The following PCDHA13 variants were observed in gnomAD, a reference collection of about 807,000 sequenced individuals.
The protein encoded by PCDHA13 is protocadherin alpha-13.
Under a neutral mutation model 64.8 loss-of-function variants are expected in PCDHA13, and 54 were observed. The observed-to-expected ratio is 0.83, with a 90% CI of 0.67 to 1.04. PCDHA13 has a LOEUF of 1.04. Among genes scored for constraint, PCDHA13 ranks in the 50% least tolerant of loss-of-function variants. The pLI is 0.00. For missense variants in PCDHA13, 1,248 were observed against 1,254.3 expected (o/e 0.99, Z 0.08); for synonymous variants, 587 against 564.4 (o/e 1.04, Z -0.57).
intron 1 of PCDHA13, chr5:140,930,231 A>C (rs1234850185): frequency 6.6e-6 from 1 of 152,238 alleles, no homozygotes; most frequent in South Asian, 2.1e-4. Context: ...TGCACTTACC[A>C]TCCAAAGTCC....
chr5:140,913,284 G>A (rs1201275371), intron 1 of PCDHA13, among the ~76,000 whole-genome samples: 1 of 152,026 alleles, frequency 6.6e-6, no homozygotes, highest in Non-Finnish European at 1.5e-5. Context: ...GTCTGTTTAG[G>A]TTTTAATTTC....
intron 1 of PCDHA13, among the ~76,000 whole-genome samples, chr5:140,897,497 G>C (rs1554187423): frequency 6.6e-6 from 1 of 152,010 alleles, no homozygotes; most frequent in Admixed American, 6.6e-5. Flanking sequence ...TTTCAACCAT[G>C]TCCCTACAAA....
intron 3 of PCDHA13, among the ~76,000 whole-genome samples, chr5:140,988,057 C>G (rs557714672): frequency 2.0e-4 from 30 of 152,188 alleles, no homozygotes; most frequent in Non-Finnish European, 3.7e-4. Context: ...GCACTGTCAA[C>G]ATGAATTTTT....
rs2096146085 is a variant in PCDHA13 at position 140,967,476 on chromosome 5, G to T, written c.2395-11473G>T. ...GCCGTGGATGGGGGCATCCCAGCCC[G>T]CTCGGGTACGGCACAGATCTCTGTG... On this transcript the variant is annotated intron_variant, in intron 1 of 3. Transcript: ENST00000289272. The T allele has an allele frequency of 6.2e-7, 1 of 1,613,324 alleles. No individual in the cohort carries two copies. The highest frequency in any genetic ancestry group is 1.3e-5 in the African/African-American group (1 of 75,056).
chr5:140,928,959 T>C (rs782250969), intron 1 of PCDHA13: 1 of 1,613,980 alleles, frequency 6.2e-7, no homozygotes, highest in South Asian at 1.1e-5. Context: ...TTGCCTTGGC[T>C]TGTATTTCCT....
At chr5:140,917,530 T>C (rs2078244431) in intron 1 of PCDHA13, among the ~76,000 whole-genome samples, 1 of 152,262 alleles carries the variant, frequency 6.6e-6, no homozygotes, top group Admixed American at 6.5e-5. Flanking sequence ...ACGGTTTGTA[T>C]AGTTTTAGGT....
intron 1 of PCDHA13, chr5:140,966,383 C>T: frequency 2.5e-6 from 1 of 405,022 alleles, no homozygotes; most frequent in East Asian, 3.6e-5. Context: ...TCCGGGTTCG[C>T]TGTCCGCCAC....
rs530119651 is a variant in PCDHA13, at chr5:140,965,991, T to A, written c.2395-12958T>A. ...CCTAGGAGTTGAGCACTTTCTGCAG[T>A]ACTTAAGAGTGTCCAGGGAAGATGT... On this transcript the variant is annotated intron_variant, in intron 1 of 3. Transcript: ENST00000289272. Among the ~76,000 whole-genome samples, 253 of 152,310 alleles carry A rather than the reference T, an allele frequency of 1.7e-3. 2 individuals carry two copies. Among genetic ancestry groups the A allele is most frequent in the Non-Finnish European group, 2.4e-3 (164 of 68,034 alleles).
intron 1 of PCDHA13, among the ~76,000 whole-genome samples, chr5:140,957,852 A>ATT (rs5871756): frequency 1.3e-5 from 2 of 151,656 alleles, no homozygotes; most frequent in East Asian, 1.9e-4. Flanking sequence ...GAGTTTGTGT[A>ATT]TTTTTTTTCC....
chr5:140,887,853 C>G (rs145942561), intron 1 of PCDHA13, among the ~76,000 whole-genome samples: 1 of 152,170 alleles, frequency 6.6e-6, no homozygotes, highest in African/African-American at 2.4e-5. Flanking sequence ...GACATATTTT[C>G]CAAGTTCACT....
rs2096720992 is a variant in PCDHA13 at position 140,976,533 on chromosome 5, A to G, written c.2395-2416A>G. 2.0e-5 allele frequency among the ~76,000 whole-genome samples: 3 copies of G among 152,170 alleles called. No homozygotes were observed. In the South Asian group the frequency reaches 6.2e-4, roughly 32 times the overall value. Reference sequence around the variant, plus strand: ...GCCACTGCACACCAGCCTAAATGACAGAGTAAGACCCTATCTCATAAATAA... The same window carrying G: ...GCCACTGCACACCAGCCTAAATGACGGAGTAAGACCCTATCTCATAAATAA... On this transcript the variant is annotated intron_variant, in intron 1 of 3. Coordinates refer to ENST00000289272, the MANE Select transcript of PCDHA13 (RefSeq NM_018904.3).
intron 3 of PCDHA13, chr5:140,988,926 A>C (rs562175503): frequency 6.6e-6 from 1 of 152,238 alleles, no homozygotes; most frequent in Non-Finnish European, 1.5e-5. Flanking sequence ...ATAGAACAAC[A>C]CTGTTCTCTT....
intron 1 of PCDHA13, among the ~76,000 whole-genome samples, chr5:140,900,796 A>G (rs1269266602): frequency 1.3e-5 from 2 of 152,188 alleles, no homozygotes; most frequent in Admixed American, 6.5e-5. Flanking sequence ...ACTGTTCTCC[A>G]TAGTGCTTGT....
In PCDHA13 at chr5:140,882,854, C is replaced by G; in HGVS notation, c.586C>G (p.Leu196Val). 1.2e-6 allele frequency: 2 copies of G among 1,614,196 alleles called. No homozygotes were observed. Among genetic ancestry groups the G allele is most frequent in the Non-Finnish European group, 1.7e-6 (2 of 1,180,036 alleles). The stretch of plus-strand genomic sequence containing the variant: ...GCAAATGTCTTCATTATCACTTGTA[C>G]TGAGGAAAACACTGGACAGAGAGGA... ...LEQMSSLSLV[L>V]RKTLDREEIQ... Residue 196 changes from leucine to valine, a missense_variant, in exon 1 of 4, where the codon CTG becomes GTG. Leu to Val is a conservative substitution (Grantham distance 32). Transcript: ENST00000289272.
intron 3 of PCDHA13, among the ~76,000 whole-genome samples, chr5:140,999,527 C>G (rs578180518): frequency 6.6e-6 from 1 of 152,088 alleles, no homozygotes; most frequent in Non-Finnish European, 1.5e-5. Context: ...TTGTTACCCC[C>G]TGGATATGAC....
chr5:140,967,925 C>T, intron 1 of PCDHA13: 1 of 1,614,224 alleles, frequency 6.2e-7, no homozygotes, highest in South Asian at 1.1e-5. Context: ...TGTGGCCGTT[C>T]TCAGTGTCAA....
At chr5:140,932,538 T>C (rs538830618) in intron 1 of PCDHA13, among the ~76,000 whole-genome samples, 1 of 152,036 alleles carries the variant, frequency 6.6e-6, no homozygotes, top group South Asian at 2.1e-4. Context: ...CAAGGTGCTT[T>C]ATTTAACATA....
intron 1 of PCDHA13, among the ~76,000 whole-genome samples, chr5:140,924,841 G>C (rs891279703): frequency 1.1e-4 from 17 of 151,378 alleles, no homozygotes; most frequent in South Asian, 2.1e-4. Context: ...GTTGCAGGGA[G>C]CTCAGATCGT....
chr5:140,953,842 T>A (rs1369287853), intron 1 of PCDHA13, among the ~76,000 whole-genome samples: 2 of 152,214 alleles, frequency 1.3e-5, no homozygotes, highest in Non-Finnish European at 2.9e-5. Flanking sequence ...GTTACCCAGG[T>A]AAACATGTGC....
Sources: gnomAD v4.1 joint callset for allele counts (sites outside exome capture counted in the v4.1 genomes callset) on GRCh38, gnomAD v4.1.1 for gene constraint, MANE v1.5 for transcripts, NCBI Gene and HGNC (gene_info 2026-07-23, HGNC 2026-07-21) for gene names.